CSMD1: variants seen among roughly 807,000 people sequenced by gnomAD.
The protein encoded by CSMD1 is CUB and Sushi multiple domains 1, also known as CUB and sushi domain-containing protein 1.
Under a neutral mutation model 417.5 loss-of-function variants are expected in CSMD1, and 213 were observed. The ratio of observed to expected loss-of-function variants is 0.51; its 90% confidence interval spans 0.46 to 0.57. CSMD1 has a LOEUF of 0.57. Among genes scored for constraint, CSMD1 ranks in the 20% least tolerant of loss-of-function variants. The pLI is 0.00. For missense variants in CSMD1, 6,923 were observed against 4,529.7 expected (o/e 1.53, Z -15.17); for synonymous variants, 2,862 against 1,736.8 (o/e 1.65, Z -16.11).
At chr8:3,952,989 GAAA>G (rs10569615) in intron 5 of CSMD1, among the ~76,000 whole-genome samples, 21,554 of 151,748 alleles carry the variant, frequency 0.14, 1,648 homozygotes, top group Middle Eastern at 0.17. Flanking sequence ...TTAAAAATTA[GAAA>G]AATAACATTA....
intron 37 of CSMD1, among the ~76,000 whole-genome samples, chr8:3,175,086 G>T (rs1420007380): frequency 6.6e-6 from 1 of 152,004 alleles, no homozygotes; most frequent in Non-Finnish European, 1.5e-5. Context: ...GTTAATAATT[G>T]CAAAATATAA....
At chr8:4,239,234 C>G (rs747471467) in intron 3 of CSMD1, among the ~76,000 whole-genome samples, 20 of 152,186 alleles carry the variant, frequency 1.3e-4, no homozygotes, top group Non-Finnish European at 2.6e-4. Context: ...CTGCCAAACT[C>G]AGAATTCCAT....
intron 2 of CSMD1, among the ~76,000 whole-genome samples, chr8:4,451,423 C>T (rs1046456823): frequency 6.6e-6 from 1 of 152,128 alleles, no homozygotes; most frequent in African/African-American, 2.4e-5. Context: ...GTTTTCCACA[C>T]TGAAAAAGTG....
At chr8:3,787,661 A>C (rs989619386) in intron 5 of CSMD1, among the ~76,000 whole-genome samples, 22 of 152,214 alleles carry the variant, frequency 1.4e-4, no homozygotes, top group African/African-American at 5.3e-4. Context: ...TTGGTAATAT[A>C]ATTTAGTATT....
chr8:3,469,541 C>G (rs923253880), intron 11 of CSMD1, among the ~76,000 whole-genome samples: 5 of 152,114 alleles, frequency 3.3e-5, no homozygotes, highest in African/African-American at 1.2e-4. Flanking sequence ...AAAAGAAACA[C>G]TAAATCCATT....
intron 68 of CSMD1, among the ~76,000 whole-genome samples, chr8:2,947,892 G>A (rs527715208): frequency 6.7e-6 from 1 of 149,986 alleles, no homozygotes; most frequent in Non-Finnish European, 1.5e-5. Context: ...ACTGTGGGTT[G>A]AATAGTGGAA....
At chr8:3,101,799 CTTTTTTTTT>C (rs530061255) in intron 46 of CSMD1, among the ~76,000 whole-genome samples, 2 of 106,362 alleles carry the variant, frequency 1.9e-5, no homozygotes, top group African/African-American at 3.4e-5. Flanking sequence ...CTTTCTTTTT[CTTTTTTTTT>C]TTTTTTTTTT....
chr8:4,983,005 G>A (rs568013656), intron 1 of CSMD1, among the ~76,000 whole-genome samples: 1 of 152,264 alleles, frequency 6.6e-6, no homozygotes, highest in East Asian at 1.9e-4. Context: ...AATGACAATT[G>A]AAGGCTGGCA....
intron 1 of CSMD1, among the ~76,000 whole-genome samples, chr8:4,748,404 G>A (rs146035945): frequency 3.3e-5 from 5 of 152,278 alleles, no homozygotes; most frequent in African/African-American, 1.2e-4. Context: ...CTGAAACTAA[G>A]GAAGTCACAT....
intron 5 of CSMD1, among the ~76,000 whole-genome samples, chr8:3,923,443 T>C (rs1362657854): frequency 1.3e-5 from 2 of 152,214 alleles, no homozygotes; most frequent in African/African-American, 2.4e-5. Flanking sequence ...ATTGGATCAT[T>C]TGCTTATTAT....
At chr8:3,929,356 A>G (rs1189538616) in intron 5 of CSMD1, among the ~76,000 whole-genome samples, 1 of 150,556 alleles carries the variant, frequency 6.6e-6, no homozygotes, top group Non-Finnish European at 1.5e-5. Flanking sequence ...TTAATACTAG[A>G]CATTATTTGA....
intron 1 of CSMD1, among the ~76,000 whole-genome samples, chr8:4,980,852 G>A (rs1016655977): frequency 1.3e-4 from 20 of 151,588 alleles, no homozygotes; most frequent in East Asian, 9.7e-4. Flanking sequence ...TGCAGTGAGC[G>A]AAGATCGCAC....
intron 5 of CSMD1, among the ~76,000 whole-genome samples, chr8:3,780,244 T>C (rs913619163): frequency 1.3e-5 from 2 of 152,212 alleles, no homozygotes; most frequent in African/African-American, 2.4e-5. Context: ...ATCAGCATTG[T>C]CTGGTTCTTC....
intron 49 of CSMD1, among the ~76,000 whole-genome samples, chr8:3,062,318 C>G (rs140047468): frequency 6.6e-6 from 1 of 152,192 alleles, no homozygotes; most frequent in South Asian, 2.1e-4. Flanking sequence ...AGGTGCAGTA[C>G]GGAGCCACCT....
intron 8 of CSMD1, among the ~76,000 whole-genome samples, chr8:3,595,178 C>T (rs1296820952): frequency 6.6e-6 from 1 of 152,154 alleles, no homozygotes; most frequent in African/African-American, 2.4e-5. Context: ...AGGGATGCCC[C>T]TTAGGGACAC....
intron 1 of CSMD1, among the ~76,000 whole-genome samples, chr8:4,947,571 T>C (rs948053497): frequency 6.6e-6 from 1 of 152,124 alleles, no homozygotes; most frequent in Non-Finnish European, 1.5e-5. Context: ...AATTAACTTG[T>C]ATGAAAAATT....
intron 49 of CSMD1, among the ~76,000 whole-genome samples, chr8:3,082,998 A>G (rs1171757050): frequency 6.6e-6 from 1 of 152,218 alleles, no homozygotes; most frequent in South Asian, 2.1e-4. Context: ...GTGTTAATTT[A>G]GCTGGGGTTT....
At chr8:3,354,170 C>G (rs1394222893) in intron 21 of CSMD1, among the ~76,000 whole-genome samples, 4 of 152,214 alleles carry the variant, frequency 2.6e-5, no homozygotes, top group Non-Finnish European at 4.4e-5. Context: ...TATATAACCT[C>G]TCAATCTGCC....
chr8:3,469,682 A>T (rs1816975080), intron 11 of CSMD1, among the ~76,000 whole-genome samples: 1 of 152,246 alleles, frequency 6.6e-6, no homozygotes, highest in Non-Finnish European at 1.5e-5. Context: ...TTTCAGGAAT[A>T]TGAGCATATG....
Sources: gnomAD v4.1 joint callset for allele counts (sites outside exome capture counted in the v4.1 genomes callset) on GRCh38, gnomAD v4.1.1 for gene constraint, MANE v1.5 for transcripts, NCBI Gene and HGNC (gene_info 2026-07-23, HGNC 2026-07-21) for gene names.